The following VPS33A variants were observed in gnomAD, a reference collection of about 807,000 sequenced individuals.
VPS33A encodes vacuolar protein sorting-associated protein 33A.
A neutral mutation model predicts 71.8 loss-of-function variants in VPS33A; 32 were observed. That is an observed-to-expected ratio of 0.45 (90% CI 0.34 to 0.60). The LOEUF is 0.60. Ranked by LOEUF, VPS33A falls within the 20% of genes least tolerant of loss-of-function variation. The pLI is 0.02. For synonymous variants in VPS33A, 311 were observed against 292.7 expected, an observed-to-expected ratio of 1.06 and a Z score of -0.64; for missense variants, 625 against 748.5, an observed-to-expected ratio of 0.84 and a Z score of 1.92.
chr12:122,249,738 C>A (rs919019465), intron 6 of VPS33A, 133 bp downstream of exon 6: 3 of 944,544 alleles, frequency 3.2e-6, no homozygotes, highest in Non-Finnish European at 4.5e-6. Context: ...CTGTATTAAT[C>A]TACACTCTGA....
chr12:122,260,284 GTT>G (rs879771128), intron 4 of VPS33A, among the ~76,000 whole-genome samples: 2 of 146,098 alleles, frequency 1.4e-5, no homozygotes, highest in African/African-American at 5.0e-5. Flanking sequence ...GGCATTGTGA[GTT>G]TTTTTTTTTG....
At chr12:122,263,243 T>C (rs1342446757) in intron 3 of VPS33A, among the ~76,000 whole-genome samples, 2 of 152,164 alleles carry the variant, frequency 1.3e-5, no homozygotes. Flanking sequence ...TCCACCCGCC[T>C]TGGCCTCCCA....
chr12:122,247,732 G>C (rs1000385697), intron 6 of VPS33A, among the ~76,000 whole-genome samples: 1 of 152,074 alleles, frequency 6.6e-6, no homozygotes, highest in African/African-American at 2.4e-5. Flanking sequence ...CCAGTATCTA[G>C]TTCCACACTT....
At position 122,229,716 on chromosome 12, in the gene VPS33A, G is replaced by A. The variant is rs572728469; in HGVS notation, c.*2530C>T. 6.6e-6 allele frequency: 1 copy of A among 152,188 alleles called. No individual in the cohort carries two copies. The highest frequency in any genetic ancestry group is 1.5e-5 in the Non-Finnish European group (1 of 68,026). The allele number at this position is 152,188 out of a possible 1,614,324, so 9.4% of individuals were successfully genotyped here. On this transcript the variant is annotated 3_prime_UTR_variant, in exon 13 of 13. Transcript: ENST00000267199. ...TCTCAGTAAGGGCATACTCTTTTGA[G>A]ACAAAGACTGCTTCAAGTATTAAAT...
In VPS33A at chr12:122,261,302, C is replaced by T. The variant is rs948866596; in HGVS notation, c.442G>A (p.Asp148Asn). The change falls in exon 4 of 13, where the codon GAT (aspartate) becomes AAT (asparagine). Residue 148 changes from aspartate (D) to asparagine (N), a missense_variant. Physicochemically the swap from Asp to Asn is conservative, Grantham distance 23 (BLOSUM62 1). Coordinates refer to ENST00000267199, the MANE Select transcript of VPS33A (RefSeq NM_022916.6). ...GATTCCATGGATAAGAGATCCCCAT[C>T]GAATGGAATGAGATCTAAGCTGTAC... ...EEYSLDLIPF[D>N]GDLLSMESEG... 2.5e-6 allele frequency: 4 copies of T among 1,611,302 alleles called. No homozygotes were observed. Among genetic ancestry groups the T allele is most frequent in the South Asian group, 2.2e-5 (2 of 90,476 alleles).
In VPS33A at chr12:122,242,514, A is replaced by G; in HGVS notation, c.970-6T>C. On this transcript the variant is annotated splice_region_variant and splice_polypyrimidine_tract_variant and intron_variant, in intron 7 of 12. Transcript: ENST00000267199. ...GTCTTAGCATTGTGTCTTTCCTGAAATAAACAAGAGAGCAGTGCCTCAAGC... is the reference window on the plus strand; with the variant it reads ...GTCTTAGCATTGTGTCTTTCCTGAAGTAAACAAGAGAGCAGTGCCTCAAGC... 1 of 1,606,656 alleles carries G rather than the reference A, an allele frequency of 6.2e-7. No homozygotes were observed. The highest frequency in any genetic ancestry group is 2.2e-5 in the East Asian group (1 of 44,606).
intron 5 of VPS33A, among the ~76,000 whole-genome samples, chr12:122,250,642 C>G (rs1954830416): frequency 6.6e-6 from 1 of 151,842 alleles, no homozygotes; most frequent in Non-Finnish European, 1.5e-5. Context: ...GTGAAATCAC[C>G]AAAAAAAGTA....
At chr12:122,266,071 G>GC (rs770177301) in intron 1 of VPS33A, among the ~76,000 whole-genome samples, 5 of 152,224 alleles carry the variant, frequency 3.3e-5, no homozygotes, top group Non-Finnish European at 5.9e-5. Context: ...TATCACAGTG[G>GC]CTTACTCTGC....
Position 122,264,206 on chromosome 12 carries a change from G to C in VPS33A, c.103-7C>G. 3 of 1,532,360 alleles carry C rather than the reference G, an allele frequency of 2.0e-6. No individual in the cohort carries two copies. The highest frequency in any genetic ancestry group is 2.7e-6 in the Non-Finnish European group (3 of 1,125,260). The allele number at this position is 1,532,360 out of a possible 1,614,324, so 94.9% of individuals were successfully genotyped here. ...ATTCATCCCAAACTATTGCCTGTAA[G>C]AGGGGAGAAACATTCTCTTATTATA... On this transcript the variant is annotated splice_polypyrimidine_tract_variant and splice_region_variant and intron_variant, in intron 1 of 12. Transcript: ENST00000267199.
At chr12:122,250,553 C>T (rs969277044) in intron 5 of VPS33A, among the ~76,000 whole-genome samples, 7 of 152,282 alleles carry the variant, frequency 4.6e-5, no homozygotes, top group Admixed American at 2.0e-4. Flanking sequence ...GTAATGTCTC[C>T]GCCAGGCACA....
intron 2 of VPS33A, 75 bp downstream of exon 2, chr12:122,264,059 A>G (rs1955034406): frequency 7.8e-7 from 1 of 1,282,322 alleles, no homozygotes; most frequent in Non-Finnish European, 1.1e-6. Flanking sequence ...ATTCAGGAAG[A>G]AATATAAAAT....
chr12:122,262,672 A>G (rs1217225285), intron 3 of VPS33A, among the ~76,000 whole-genome samples: 1 of 138,412 alleles, frequency 7.2e-6, no homozygotes, highest in Non-Finnish European at 1.5e-5. Flanking sequence ...CTGGAGGTTT[A>G]TTTTTTTAAA....
chr12:122,258,166 G>A (rs925520122), intron 4 of VPS33A, among the ~76,000 whole-genome samples: 1 of 151,992 alleles, frequency 6.6e-6, no homozygotes, highest in African/African-American at 2.4e-5. Context: ...GAGGCGGGAG[G>A]ATTGCCTGAG....
chr12:122,251,237 T>G, intron 4 of VPS33A, 138 bp from the exon 5 acceptor site: 2 of 639,730 alleles, frequency 3.1e-6, no homozygotes, highest in South Asian at 3.9e-5. Flanking sequence ...AATTGGGGAC[T>G]CAAGTTCATT....
At chr12:122,262,604 T>TC (rs1955011304) in intron 3 of VPS33A, among the ~76,000 whole-genome samples, 1 of 42,980 alleles carries the variant, frequency 2.3e-5, no homozygotes, top group Non-Finnish European at 3.7e-5. Context: ...TTTAATCAGC[T>TC]TTTTTTTTTT....
rs147501542 is a variant in VPS33A, at chr12:122,235,050, A to G, written c.1440+736T>C. 5.7e-4 allele frequency among the ~76,000 whole-genome samples: 87 copies of G among 151,620 alleles called. 2 individuals are homozygous for G. Among genetic ancestry groups the G allele is most frequent in the African/African-American group, 2.0e-3 (81 of 41,318 alleles). On this transcript the variant is annotated intron_variant, in intron 11 of 12. Transcript: ENST00000267199. Reference sequence around the variant, plus strand: ...CAGCCTGGAGTGCAGTGGCACAAACATGGTTCACTGCAACCGCCTCCTGGG... The same window carrying G: ...CAGCCTGGAGTGCAGTGGCACAAACGTGGTTCACTGCAACCGCCTCCTGGG...
intron 3 of VPS33A, among the ~76,000 whole-genome samples, chr12:122,262,607 T>TG (rs1955011343): frequency 6.6e-6 from 1 of 151,236 alleles, no homozygotes; most frequent in African/African-American, 2.4e-5. Context: ...AATCAGCTTT[T>TG]TTTTTTTTTT....
chr12:122,256,572 T>C (rs1014012022), intron 4 of VPS33A, among the ~76,000 whole-genome samples: 6 of 150,946 alleles, frequency 4.0e-5, no homozygotes, highest in African/African-American at 1.5e-4. Context: ...AGAATCTGTC[T>C]CAAAAACAAT....
intron 8 of VPS33A, 111 bp from the exon 9 acceptor site, chr12:122,240,056 G>T: frequency 1.3e-6 from 1 of 794,720 alleles, no homozygotes; most frequent in Non-Finnish European, 2.1e-6. Context: ...GGCTGGGCAC[G>T]GTGGCTCACA....
Sources: allele counts gnomAD v4.1 joint callset (sites outside exome capture counted in the v4.1 genomes callset), GRCh38; gene constraint gnomAD v4.1.1; transcripts MANE v1.5; gene names NCBI Gene and HGNC (gene_info 2026-07-23, HGNC 2026-07-21).